ALK: variants seen among roughly 807,000 people sequenced by gnomAD.
The protein encoded by ALK is ALK tyrosine kinase receptor.
Under a neutral mutation model 163.1 loss-of-function variants are expected in ALK, and 74 were observed. The observed-to-expected ratio is 0.45, with a 90% CI of 0.38 to 0.55. The LOEUF is 0.55. Among genes scored for constraint, ALK ranks in the 20% least tolerant of loss-of-function variants. ALK has a pLI of 0.00. For missense variants in ALK, 2,063 were observed against 2,105.3 expected, an observed-to-expected ratio of 0.98 and a Z score of 0.39; for synonymous variants, 960 against 843.2, an observed-to-expected ratio of 1.14 and a Z score of -2.40.
At chr2:29,855,361 C>T (rs1015868905) in intron 1 of ALK, among the ~76,000 whole-genome samples, 3 of 152,042 alleles carry the variant, frequency 2.0e-5, no homozygotes, top group Non-Finnish European at 2.9e-5. Context: ...GGGCTGCCAC[C>T]CTGATGCACA....
intron 4 of ALK, among the ~76,000 whole-genome samples, chr2:29,413,584 T>A (rs1669785918): frequency 6.6e-6 from 1 of 152,112 alleles, no homozygotes; most frequent in Non-Finnish European, 1.5e-5. Context: ...CAGGCTGGAG[T>A]GCAGTGGTGC....
chr2:29,855,197 C>A (rs776135025), intron 1 of ALK, among the ~76,000 whole-genome samples: 1 of 152,208 alleles, frequency 6.6e-6, no homozygotes, highest in African/African-American at 2.4e-5. Context: ...CCTGGCATTT[C>A]ACATACATTA....
chr2:29,266,801 A>C (rs1372348464), intron 11 of ALK, among the ~76,000 whole-genome samples: 1 of 152,182 alleles, frequency 6.6e-6, no homozygotes, highest in Non-Finnish European at 1.5e-5. Context: ...TATTGAATAC[A>C]TAGTCTTGAG....
At chr2:29,445,328 G>A (rs1363653607) in intron 4 of ALK, among the ~76,000 whole-genome samples, 5 of 152,188 alleles carry the variant, frequency 3.3e-5, no homozygotes, top group Non-Finnish European at 7.3e-5. Context: ...TAATGTTCTA[G>A]TAAACTATAA....
intron 2 of ALK, among the ~76,000 whole-genome samples, chr2:29,714,447 G>A (rs1481188969): frequency 1.3e-5 from 2 of 152,102 alleles, no homozygotes; most frequent in African/African-American, 2.4e-5. Flanking sequence ...AATCTTATTA[G>A]CCTCTTTCCA....
chr2:29,913,234 G>A (rs1364959519), intron 1 of ALK, among the ~76,000 whole-genome samples: 1 of 152,154 alleles, frequency 6.6e-6, no homozygotes, highest in Non-Finnish European at 1.5e-5. Context: ...ACAACACAAA[G>A]CGAATCTGAT....
intron 1 of ALK, among the ~76,000 whole-genome samples, chr2:29,902,914 G>A (rs1403461990): frequency 1.3e-5 from 2 of 152,104 alleles, no homozygotes; most frequent in Non-Finnish European, 2.9e-5. Context: ...CAGTGCTTTT[G>A]ATTTTACAGT....
At position 29,308,600 on chromosome 2, in the gene ALK, C is replaced by T. The variant is rs746072604; in HGVS notation, c.1647+9704G>A. On this transcript the variant is annotated intron_variant, in intron 8 of 28. Coordinates refer to ENST00000389048, the MANE Select transcript of ALK (RefSeq NM_004304.5). ...GAATGCGGTGGGACCGTGCTGTGAA[C>T]GGAACGCAAGCTTTCGTATCAGAAA... Among the ~76,000 whole-genome samples, 7 of 152,128 alleles carry T rather than the reference C, an allele frequency of 4.6e-5. No individual in the cohort carries two copies. In the East Asian group the frequency reaches 7.7e-4, roughly 17 times the overall value.
At chr2:29,879,652 G>A (rs1666806669) in intron 1 of ALK, among the ~76,000 whole-genome samples, 1 of 152,086 alleles carries the variant, frequency 6.6e-6, no homozygotes, top group Non-Finnish European at 1.5e-5. Context: ...CAAACAATGG[G>A]GTACTTATTC....
chr2:29,316,539 C>G (rs969408890), intron 8 of ALK, among the ~76,000 whole-genome samples: 1 of 152,120 alleles, frequency 6.6e-6, no homozygotes, highest in Non-Finnish European at 1.5e-5. Flanking sequence ...CTTGACATTT[C>G]TTTTTCTGAA....
At position 29,225,501 on chromosome 2, in the gene ALK, G is replaced by A. The variant is rs776786956; in HGVS notation, c.3132C>T (p.Leu1044=). 1.7e-5 allele frequency: 28 copies of A among 1,613,352 alleles called. No homozygotes were observed. The Admixed American group carries it at 3.5e-4, about 20-fold the overall frequency. ...SLILSVVTSA[L]VAALVLAFSG... ...AGAAAGCCAGGACCAGGGCGGCCAC[G>A]AGGGCAGAGGTCACCACAGAGAGGA... The change falls in exon 19 of 29, where the codon CTC becomes CTT. Residue 1044 remains leucine, a synonymous_variant. Coordinates refer to ENST00000389048, the MANE Select transcript of ALK (RefSeq NM_004304.5).
At chr2:29,328,220 A>G in intron 6 of ALK, 130 bp downstream of exon 6, 1 of 1,335,994 alleles carries the variant, frequency 7.5e-7, no homozygotes. Context: ...TGGCTTTGCC[A>G]TGAGAGGAGT....
intron 3 of ALK, among the ~76,000 whole-genome samples, chr2:29,569,569 C>A (rs73921105): frequency 5.6e-4 from 45 of 80,466 alleles, no homozygotes; most frequent in African/African-American, 1.9e-3. Flanking sequence ...TTCTTCCCCC[C>A]CCCTAGTGAG....
chr2:29,731,693 T>C (rs186665740), intron 1 of ALK, among the ~76,000 whole-genome samples: 1 of 152,334 alleles, frequency 6.6e-6, no homozygotes, highest in African/African-American at 2.4e-5. Context: ...TTTCCTCAAA[T>C]CCTGTAATAT....
intron 9 of ALK, among the ~76,000 whole-genome samples, chr2:29,282,838 C>T (rs868612025): frequency 3.9e-5 from 6 of 151,944 alleles, no homozygotes; most frequent in East Asian, 3.9e-4. Flanking sequence ...TGCTCACTTT[C>T]GGGGGCTCAG....
chr2:29,846,112 T>C (rs1362406875), intron 1 of ALK, among the ~76,000 whole-genome samples: 4 of 152,224 alleles, frequency 2.6e-5, no homozygotes, highest in Non-Finnish European at 5.9e-5. Context: ...CAGGCTCTCA[T>C]AATCTGGCCC....
chr2:29,820,405 C>G (rs574929596), intron 1 of ALK, among the ~76,000 whole-genome samples: 1 of 152,280 alleles, frequency 6.6e-6, no homozygotes, highest in Middle Eastern at 3.4e-3. Context: ...TGAGCCAGAA[C>G]CATCTAGCTA....
At chr2:29,355,053 A>G (rs1668214473) in intron 5 of ALK, among the ~76,000 whole-genome samples, 1 of 152,318 alleles carries the variant, frequency 6.6e-6, no homozygotes, top group African/African-American at 2.4e-5. Flanking sequence ...GGCGTGAGCC[A>G]CTACGCCCGG....
chr2:29,442,726 C>T (rs1670578763), intron 4 of ALK, among the ~76,000 whole-genome samples: 1 of 152,212 alleles, frequency 6.6e-6, no homozygotes, highest in Admixed American at 6.5e-5. Flanking sequence ...TTATGCTTAA[C>T]AGTGAAATGA....
Sources: allele counts gnomAD v4.1 joint callset (sites outside exome capture counted in the v4.1 genomes callset), GRCh38; gene constraint gnomAD v4.1.1; transcripts MANE v1.5; gene names NCBI Gene and HGNC (gene_info 2026-07-23, HGNC 2026-07-21).